ZBTB7C: variants seen among roughly 807,000 people sequenced by gnomAD.
ZBTB7C encodes zinc finger and BTB domain containing 7C.
In ZBTB7C, 8 loss-of-function variants were observed where a neutral mutation model predicts 25.7. The observed-to-expected ratio is 0.31, with a 90% CI of 0.18 to 0.56. The LOEUF (loss-of-function observed/expected upper bound fraction) is 0.56. Among genes scored for constraint, ZBTB7C ranks in the 20% least tolerant of loss-of-function variants. The pLI is 0.91. For synonymous variants in ZBTB7C, 394 were observed against 369.0 expected (o/e 1.07, Z -0.78); for missense variants, 824 against 855.2 (o/e 0.96, Z 0.46).
At chr18:48,152,328 TA>T (rs557531548) in intron 3 of ZBTB7C, among the ~76,000 whole-genome samples, 308 of 150,280 alleles carry the variant, frequency 2.0e-3, no homozygotes, top group South Asian at 0.013. Flanking sequence ...TCTAAAATGT[TA>T]AAAAAAAAAT....
intron 2 of ZBTB7C, among the ~76,000 whole-genome samples, chr18:48,220,139 A>G (rs543049144): frequency 2.0e-5 from 3 of 146,690 alleles, no homozygotes; most frequent in African/African-American, 7.5e-5. Flanking sequence ...CCAAGTTCAC[A>G]CACTCAGAAA....
chr18:48,161,872 C>A (rs1416941910), intron 3 of ZBTB7C, among the ~76,000 whole-genome samples: 3 of 151,854 alleles, frequency 2.0e-5, no homozygotes, highest in Non-Finnish European at 4.4e-5. Context: ...GCGGCCGCAG[C>A]CTGTTTCCCG....
At chr18:48,113,821 C>T (rs1158298817) in intron 3 of ZBTB7C, among the ~76,000 whole-genome samples, 9 of 152,228 alleles carry the variant, frequency 5.9e-5, no homozygotes, top group Admixed American at 2.6e-4. Context: ...GTCCCACCAT[C>T]GGCAGGGTGC....
intron 2 of ZBTB7C, among the ~76,000 whole-genome samples, chr18:48,292,492 C>G (rs2045260627): frequency 6.6e-6 from 1 of 152,194 alleles, no homozygotes; most frequent in Non-Finnish European, 1.5e-5. Flanking sequence ...CACTAACTCC[C>G]TCCTCCTGCG....
chr18:48,290,037 T>C (rs564039915), intron 2 of ZBTB7C, among the ~76,000 whole-genome samples: 30 of 152,224 alleles, frequency 2.0e-4, no homozygotes, highest in Non-Finnish European at 2.1e-4. Context: ...CTTGTTAAAA[T>C]GGAGATTACA....
At chr18:48,235,958 T>G (rs1000697087) in intron 2 of ZBTB7C, among the ~76,000 whole-genome samples, 5 of 152,198 alleles carry the variant, frequency 3.3e-5, no homozygotes, top group Admixed American at 2.6e-4. Flanking sequence ...ATTTGAGAAT[T>G]TAAATTTTTA....
At chr18:48,306,288 A>G (rs2045672017) in intron 2 of ZBTB7C, among the ~76,000 whole-genome samples, 1 of 152,146 alleles carries the variant, frequency 6.6e-6, no homozygotes, top group Admixed American at 6.5e-5. Flanking sequence ...GCTCAGCCAC[A>G]GTTAGGGAGA....
intron 3 of ZBTB7C, among the ~76,000 whole-genome samples, chr18:48,079,183 T>C (rs2037886277): frequency 6.6e-6 from 1 of 152,182 alleles, no homozygotes; most frequent in South Asian, 2.1e-4. Flanking sequence ...CTCTGCCTTG[T>C]TTGGGATCAT....
At chr18:48,256,381 T>G (rs2044021027) in intron 2 of ZBTB7C, among the ~76,000 whole-genome samples, 1 of 150,514 alleles carries the variant, frequency 6.6e-6, no homozygotes, top group Admixed American at 6.7e-5. Context: ...TTTAAAATAC[T>G]GAAAGAAAAA....
At chr18:48,235,096 C>T (rs1263978297) in intron 2 of ZBTB7C, among the ~76,000 whole-genome samples, 1 of 152,120 alleles carries the variant, frequency 6.6e-6, no homozygotes, top group Non-Finnish European at 1.5e-5. Flanking sequence ...CAGGACTGAA[C>T]TTGAGTTTTT....
At chr18:48,263,055 T>A (rs1174605912) in intron 2 of ZBTB7C, among the ~76,000 whole-genome samples, 1 of 152,214 alleles carries the variant, frequency 6.6e-6, no homozygotes, top group Non-Finnish European at 1.5e-5. Flanking sequence ...CTCTCTGGCC[T>A]AGAGTGGCCC....
chr18:48,219,412 C>T (rs1417744066), intron 2 of ZBTB7C, among the ~76,000 whole-genome samples: 1 of 152,208 alleles, frequency 6.6e-6, no homozygotes, highest in African/African-American at 2.4e-5. Context: ...AGCATCTGCA[C>T]ACATTAATTC....
chr18:48,098,388 C>T (rs1298540559), intron 3 of ZBTB7C, among the ~76,000 whole-genome samples: 1 of 152,132 alleles, frequency 6.6e-6, no homozygotes, highest in Non-Finnish European at 1.5e-5. Flanking sequence ...TTAGGATGCT[C>T]TAGAAGGGAT....
intron 2 of ZBTB7C, among the ~76,000 whole-genome samples, chr18:48,224,380 G>C (rs1309696309): frequency 6.6e-6 from 1 of 152,212 alleles, no homozygotes; most frequent in Non-Finnish European, 1.5e-5. Context: ...GAAAACAGCT[G>C]CCATGAGCAC....
intron 2 of ZBTB7C, among the ~76,000 whole-genome samples, chr18:48,313,183 C>A (rs970787268): frequency 9.2e-5 from 14 of 152,214 alleles, no homozygotes; most frequent in Non-Finnish European, 1.9e-4. Context: ...GGACTCAAAG[C>A]TAGGATTTCT....
intron 3 of ZBTB7C, among the ~76,000 whole-genome samples, chr18:48,072,287 C>G (rs55794306): frequency 6.6e-6 from 1 of 152,186 alleles, no homozygotes; most frequent in East Asian, 1.9e-4. Context: ...AGACCCCAAA[C>G]GGGGATAAAA....
At chr18:48,179,468 T>A (rs1436089420) in intron 3 of ZBTB7C, among the ~76,000 whole-genome samples, 2 of 151,614 alleles carry the variant, frequency 1.3e-5, no homozygotes, top group Non-Finnish European at 2.9e-5. Flanking sequence ...GGGGGCTGGG[T>A]GGGCTTCCCA....
intron 2 of ZBTB7C, among the ~76,000 whole-genome samples, chr18:48,208,790 T>C (rs1568303866): frequency 6.6e-6 from 1 of 152,216 alleles, no homozygotes; most frequent in African/African-American, 2.4e-5. Context: ...CCTTATTTGC[T>C]TTCCCTTTCC....
chr18:48,208,374 C>T (rs2042627816), intron 2 of ZBTB7C, among the ~76,000 whole-genome samples: 1 of 151,832 alleles, frequency 6.6e-6, no homozygotes, highest in Non-Finnish European at 1.5e-5. Flanking sequence ...ACCCCTGTCC[C>T]CACCCCTGAT....
Sources: gnomAD v4.1 joint callset for allele counts (sites outside exome capture counted in the v4.1 genomes callset) on GRCh38, gnomAD v4.1.1 for gene constraint, MANE v1.5 for transcripts, NCBI Gene and HGNC (gene_info 2026-07-23, HGNC 2026-07-21) for gene names.